Variants in ZNF318 observed in about 807,000 individuals in gnomAD.
The protein encoded by ZNF318 is zinc finger protein 318.
ZNF318 carries 51 observed loss-of-function variants against 124.2 expected under a neutral mutation model. The ratio of observed to expected loss-of-function variants is 0.41; its 90% CI spans 0.33 to 0.52. ZNF318 has a LOEUF of 0.52. Among genes scored for constraint, ZNF318 ranks in the 20% least tolerant of loss-of-function variants. The probability of loss-of-function intolerance (pLI) is 0.23; values close to 1 mark genes in which losing one functional copy is unlikely to be tolerated. For synonymous variants in ZNF318, 1,090 were observed against 1,040.7 expected, an observed-to-expected ratio of 1.05 and a Z score of -0.91; for missense variants, 2,815 against 2,811.2, an observed-to-expected ratio of 1.00 and a Z score of -0.03.
At position 43,339,626 on chromosome 6, in the gene ZNF318, T is replaced by C; in HGVS notation, c.4372A>G (p.Ile1458Val). The part of the protein sequence containing the change: ...PPPPPPPPPV[I>V]PHPAAPSAAQ... The stretch of plus-strand genomic sequence containing the variant: ...GCAGACGGGGCAGCTGGATGAGGTA[T>C]AACGGGGGGTGGTGGAGGTGGTGGA... The change falls in exon 10 of 10, where the codon ATA (isoleucine) becomes GTA (valine). Residue 1458 changes from isoleucine to valine, a missense_variant. Physicochemically the swap from Ile to Val is conservative, Grantham distance 29. Around this residue, in one of 4 missense-constraint regions of ZNF318, gnomAD observed 500 missense variants for 605.2 expected, o/e 0.83. Coordinates refer to ENST00000361428, the MANE Select transcript of ZNF318 (RefSeq NM_014345.3). This position sits in a 1 kb window ranked among gnomAD's most constrained non-coding sequence, Gnocchi z 4.2. 6.9e-7 allele frequency: 1 copy of C among 1,455,280 alleles called. No individual in the cohort carries two copies. The highest frequency in any genetic ancestry group is 2.0e-4 in the Middle Eastern group (1 of 5,122). The allele number at this position is 1,455,280 out of a possible 1,614,324, so 90.1% of individuals were successfully genotyped here.
intron 5 of ZNF318, among the ~76,000 whole-genome samples, chr6:43,349,435 G>A (rs1398723134): frequency 6.9e-6 from 1 of 145,620 alleles, no homozygotes; most frequent in African/African-American, 2.5e-5. Flanking sequence ...CATGTCACCA[G>A]GCTGGTCTTG....
intron 6 of ZNF318, among the ~76,000 whole-genome samples, chr6:43,347,862 A>G (rs1249688593): frequency 6.6e-6 from 1 of 152,236 alleles, no homozygotes; most frequent in Non-Finnish European, 1.5e-5. Context: ...CATCCAATGT[A>G]CTACGAGGAA....
At chr6:43,365,831 T>C (rs553470629) in intron 1 of ZNF318, among the ~76,000 whole-genome samples, 1 of 152,218 alleles carries the variant, frequency 6.6e-6, no homozygotes, top group Non-Finnish European at 1.5e-5. Context: ...AGGTGAGAAA[T>C]GGTTATGGTA....
rs375103018 is a variant in ZNF318 at position 43,342,681 on chromosome 6, T to C, written c.3271A>G (p.Thr1091Ala). 5.0e-6 allele frequency: 8 copies of C among 1,614,060 alleles called. 1 individual carries two copies. The highest frequency in any genetic ancestry group is 3.3e-5 in the South Asian group (3 of 91,084). ...ACAGAGAGTAGGATACCAACCTGTG[T>C]GTGCTTCTTATTGTGCATATGAGTG... is the stretch of plus-strand genomic sequence containing the variant. The part of the protein sequence containing the change: ...FFTHMHNKKH[T>A]QTLDPYNRPW... The change falls in exon 7 of 10, where the codon ACA becomes GCA. Residue 1091 changes from threonine (T) to alanine (A), a missense_variant. This residue lies in a region of ZNF318 where 500 missense variants were observed against 605.2 expected (regional missense o/e 0.83). Transcript: ENST00000361428.
At chr6:43,342,292 T>G in intron 7 of ZNF318, 81 bp from the exon 8 acceptor site, 1 of 1,170,134 alleles carries the variant, frequency 8.5e-7, no homozygotes, top group Non-Finnish European at 1.2e-6. Flanking sequence ...TCCCCCATAA[T>G]AAGACCAGGG....
rs1458860706 is a variant in ZNF318, at chr6:43,342,801, A to G, written c.3151T>C (p.Leu1051=). 8.1e-6 allele frequency: 13 copies of G among 1,614,060 alleles called. No homozygotes were observed. The highest frequency in any genetic ancestry group is 4.0e-5 in the African/African-American group (3 of 74,916). ...TCATAAGCAGCAGTGGGCTGATCCA[A>G]CTGCTTAGTGGCTGACTGGGGGCTT... is the stretch of plus-strand genomic sequence containing the variant. ...AESPQSATKQ[L]DQPTAAYEYY... is the part of the protein sequence containing the mutation. Residue 1051 remains leucine (L), a synonymous_variant, in exon 7 of 10, where the codon TTG becomes CTG. Coordinates refer to ENST00000361428, the MANE Select transcript of ZNF318 (RefSeq NM_014345.3).
chr6:43,366,643 T>G (rs1779764839), intron 1 of ZNF318, among the ~76,000 whole-genome samples: 1 of 152,030 alleles, frequency 6.6e-6, no homozygotes, highest in South Asian at 2.1e-4. Flanking sequence ...ACCAAAACAT[T>G]TTTTTAAAAT....
chr6:43,362,728 T>G (rs1334570162), intron 2 of ZNF318, among the ~76,000 whole-genome samples: 2 of 152,008 alleles, frequency 1.3e-5, no homozygotes, highest in African/African-American at 4.8e-5. Context: ...GGTCTCGAAC[T>G]CCTGACCTCA....
chr6:43,356,177 A>G lies in ZNF318; in HGVS notation c.1189-32T>C, dbSNP rs372875373. 3.8e-6 allele frequency: 6 copies of G among 1,576,970 alleles called. No individual in the cohort carries two copies. In the African/African-American group the frequency reaches 4.1e-5, roughly 11 times the overall value. The stretch of plus-strand genomic sequence containing the variant: ...AGACAAACACAACTGATTTAGTCTT[A>G]TGCAGAATCTCAGAACATTAGTAAT... On this transcript the variant is annotated intron_variant, in intron 3 of 9. Transcript: ENST00000361428.
At chr6:43,365,523 T>C (rs1779749583) in intron 1 of ZNF318, 83 bp from the exon 2 acceptor site, 1 of 1,455,228 alleles carries the variant, frequency 6.9e-7, no homozygotes, top group African/African-American at 1.4e-5. Flanking sequence ...AGTTACAAAG[T>C]TAGCCAGGCA....
chr6:43,360,012 A>G (rs2125738), intron 2 of ZNF318, among the ~76,000 whole-genome samples: 70,482 of 152,040 alleles, frequency 0.46, 19,376 homozygotes, highest in East Asian at 0.66. Flanking sequence ...CTCCATTGCC[A>G]AAACACCATC....
chr6:43,342,945 T>C, intron 6 of ZNF318, 66 bp from the exon 7 acceptor site: 2 of 1,348,484 alleles, frequency 1.5e-6, no homozygotes, highest in Admixed American at 2.2e-5. Context: ...CTGTTAGAAA[T>C]AGTAAGTGGC....
intron 2 of ZNF318, among the ~76,000 whole-genome samples, chr6:43,361,363 AGCCTGG>A (rs1779680467): frequency 2.6e-5 from 4 of 152,186 alleles, no homozygotes; most frequent in Non-Finnish European, 5.9e-5. Flanking sequence ...TCAGGAGACT[AGCCTGG>A]ACAACACAGA....
chr6:43,368,924 G>T, intron 1 of ZNF318, 43 bp downstream of exon 1: 1 of 1,330,856 alleles, frequency 7.5e-7, no homozygotes, highest in Non-Finnish European at 9.7e-7. Flanking sequence ...CCGGGGGAGG[G>T]GACTGGGGGA....
chr6:43,362,406 T>C (rs992304625), intron 2 of ZNF318, among the ~76,000 whole-genome samples: 3 of 151,750 alleles, frequency 2.0e-5, no homozygotes, highest in African/African-American at 7.3e-5. Context: ...TGAGCCGAGA[T>C]TGCAGCATTG....
chr6:43,339,307 T>A lies in ZNF318; in HGVS notation c.4691A>T (p.Asn1564Ile). The change falls in exon 10 of 10, where the codon AAT becomes ATT. Residue 1564 changes from asparagine (N) to isoleucine (I), a missense_variant. This residue lies in a region of ZNF318 where 11 missense variants were observed against 31.9 expected (regional missense o/e 0.35). Coordinates refer to ENST00000361428, the MANE Select transcript of ZNF318 (RefSeq NM_014345.3). This position sits in a 1 kb window ranked among gnomAD's most constrained non-coding sequence, Gnocchi z 4.2. The stretch of plus-strand genomic sequence containing the variant: ...GAATATGTCATACAGGTCCTTAGCA[T>A]TGGCTGTGGCTAAGCATGAATTTCG... ...EKRNSCLATA[N>I]AKDLYDIFYS... 1 of 1,614,228 alleles carries A rather than the reference T, an allele frequency of 6.2e-7. No individual in the cohort carries two copies. The highest frequency in any genetic ancestry group is 8.5e-7 in the Non-Finnish European group (1 of 1,180,040).
At chr6:43,359,543 T>A (rs936768632) in intron 2 of ZNF318, among the ~76,000 whole-genome samples, 1 of 152,254 alleles carries the variant, frequency 6.6e-6, no homozygotes, top group Non-Finnish European at 1.5e-5. Flanking sequence ...GAGTGAATTA[T>A]CATCTAGAGG....
chr6:43,368,334 C>A lies in ZNF318; in HGVS notation c.399+633G>T, dbSNP rs1581654297. ...TACAACAAGGAATAGTATTAACTGC[C>A]TCACTTCAAAGACTTGTGAGGGTTA... is the stretch of plus-strand genomic sequence containing the variant. On this transcript the variant is annotated intron_variant, in intron 1 of 9. Coordinates refer to ENST00000361428, the MANE Select transcript of ZNF318 (RefSeq NM_014345.3). Among the ~76,000 whole-genome samples, 6 of 152,326 alleles carry A rather than the reference C, an allele frequency of 3.9e-5. No individual in the cohort carries two copies. In the South Asian group the frequency reaches 6.2e-4, roughly 16 times the overall value.
At position 43,354,784 on chromosome 6, in the gene ZNF318, C is replaced by T. The variant is rs1554195216; in HGVS notation, c.2550G>A (p.Glu850=). ...CCGCAGGAATTGAGCCTCGCAGAGA[C>T]TCTTTCTGCTTAGGCTTATCAGGAG... ...TVTPDKPKQK[E]SLRGSIPAAQ... is the part of the protein sequence containing the mutation. Residue 850 remains glutamate (E), a synonymous_variant, in exon 4 of 10, where the codon GAG becomes GAA. Coordinates refer to ENST00000361428, the MANE Select transcript of ZNF318 (RefSeq NM_014345.3). 2 of 1,614,216 alleles carry T rather than the reference C, an allele frequency of 1.2e-6. No homozygotes were observed. The highest frequency in any genetic ancestry group is 2.2e-5 in the East Asian group (1 of 44,892).
Sources: gnomAD v4.1 joint callset for allele counts (sites outside exome capture counted in the v4.1 genomes callset) on GRCh38, gnomAD v4.1.1 for gene constraint, gnomAD v4.1.1 regional missense constraint, Gnocchi (gnomAD v3.1) non-coding constraint, MANE v1.5 for transcripts, NCBI Gene and HGNC (gene_info 2026-07-23, HGNC 2026-07-21) for gene names.